GPC5: variants seen among roughly 807,000 people sequenced by gnomAD.
GPC5 encodes glypican 5, also known as glypican-5.
GPC5 carries 47 observed loss-of-function variants against 53.9 expected under a neutral mutation model. That is an observed-to-expected ratio of 0.87 (90% CI 0.69 to 1.11). The LOEUF is 1.11. GPC5 is among the 50% of genes most tolerant of loss of function. The probability of loss-of-function intolerance (pLI) is 0.00; values close to 1 mark genes in which losing one functional copy is unlikely to be tolerated. For missense variants in GPC5, 748 were observed against 713.1 expected (o/e 1.05, Z -0.56); for synonymous variants, 286 against 263.3 (o/e 1.09, Z -0.84).
chr13:92,140,740 G>A (rs1351725998), intron 6 of GPC5, among the ~76,000 whole-genome samples: 2 of 152,170 alleles, frequency 1.3e-5, no homozygotes, highest in Non-Finnish European at 2.9e-5. Context: ...GGGTAGGAGA[G>A]ACTAATGGCC....
intron 7 of GPC5, among the ~76,000 whole-genome samples, chr13:92,514,847 C>G (rs1047926380): frequency 2.6e-5 from 4 of 152,072 alleles, no homozygotes; most frequent in African/African-American, 9.7e-5. Flanking sequence ...TCTTTTGTGA[C>G]AAAGCATGAC....
intron 7 of GPC5, among the ~76,000 whole-genome samples, chr13:92,334,638 G>A (rs1160548398): frequency 6.6e-6 from 1 of 152,106 alleles, no homozygotes; most frequent in Non-Finnish European, 1.5e-5. Context: ...CCTCCTATGA[G>A]CCTGTAAAAT....
intron 7 of GPC5, among the ~76,000 whole-genome samples, chr13:92,254,772 T>G (rs2042715672): frequency 6.6e-6 from 1 of 152,238 alleles, no homozygotes; most frequent in East Asian, 1.9e-4. Flanking sequence ...AAAAAGTCCC[T>G]TATAAAACCA....
At chr13:92,662,259 G>A (rs1210636540) in intron 7 of GPC5, among the ~76,000 whole-genome samples, 1 of 152,030 alleles carries the variant, frequency 6.6e-6, no homozygotes, top group Non-Finnish European at 1.5e-5. Flanking sequence ...TCTCACAAAT[G>A]CCGACATTCA....
chr13:92,108,030 G>T (rs1162502910), intron 6 of GPC5, among the ~76,000 whole-genome samples: 1 of 152,130 alleles, frequency 6.6e-6, no homozygotes, highest in African/African-American at 2.4e-5. Context: ...TAAGAGAGAA[G>T]TCTCCTTTTT....
chr13:92,178,826 A>G (rs543750932), intron 7 of GPC5, among the ~76,000 whole-genome samples: 250 of 152,134 alleles, frequency 1.6e-3, no homozygotes, highest in Non-Finnish European at 2.0e-3. Flanking sequence ...AATACAAAAA[A>G]TTAGCCAGGT....
chr13:92,514,918 G>A (rs528512709), intron 7 of GPC5, among the ~76,000 whole-genome samples: 12 of 152,224 alleles, frequency 7.9e-5, no homozygotes, highest in East Asian at 3.9e-4. Context: ...TTCATGCACC[G>A]TCATTGACTG....
chr13:91,431,677 A>C (rs1239007463), intron 1 of GPC5, among the ~76,000 whole-genome samples: 1 of 152,210 alleles, frequency 6.6e-6, no homozygotes, highest in Admixed American at 6.5e-5. Flanking sequence ...TCAACAAACT[A>C]ATCAGAGGTG....
chr13:92,415,003 A>C (rs1276569166), intron 7 of GPC5, among the ~76,000 whole-genome samples: 1 of 152,144 alleles, frequency 6.6e-6, no homozygotes, highest in African/African-American at 2.4e-5. Flanking sequence ...TGGGGCTAGG[A>C]TGTATCAGAA....
chr13:92,033,972 A>C (rs1402434741), intron 6 of GPC5, among the ~76,000 whole-genome samples: 2 of 152,230 alleles, frequency 1.3e-5, no homozygotes, highest in Non-Finnish European at 2.9e-5. Flanking sequence ...TTTAAACAAC[A>C]TATTTTTCCA....
At chr13:91,616,048 T>C (rs1199821104) in intron 2 of GPC5, among the ~76,000 whole-genome samples, 1 of 152,062 alleles carries the variant, frequency 6.6e-6, no homozygotes, top group Non-Finnish European at 1.5e-5. Context: ...TGACAGATAC[T>C]GGTGAAAACA....
intron 7 of GPC5, among the ~76,000 whole-genome samples, chr13:92,277,263 A>G (rs1044138016): frequency 6.6e-6 from 1 of 152,056 alleles, no homozygotes; most frequent in East Asian, 1.9e-4. Context: ...AGCAGAGAAG[A>G]AGGGAAAGTC....
intron 7 of GPC5, among the ~76,000 whole-genome samples, chr13:92,834,289 T>C (rs1348859552): frequency 1.3e-5 from 2 of 152,172 alleles, no homozygotes; most frequent in African/African-American, 4.8e-5. Flanking sequence ...AAGAAAAAAC[T>C]TTGCATATTT....
chr13:92,606,670 G>T (rs1202969851), intron 7 of GPC5, among the ~76,000 whole-genome samples: 1 of 152,030 alleles, frequency 6.6e-6, no homozygotes, highest in Non-Finnish European at 1.5e-5. Flanking sequence ...TAACTATTAG[G>T]ATCTGGTGTC....
At chr13:92,726,922 G>A (rs983302022) in intron 7 of GPC5, among the ~76,000 whole-genome samples, 2 of 151,426 alleles carry the variant, frequency 1.3e-5, no homozygotes, top group East Asian at 3.9e-4. Context: ...AACTTATTGT[G>A]AGAGCTATAA....
chr13:92,025,458 A>T (rs991240222), intron 6 of GPC5, among the ~76,000 whole-genome samples: 5 of 152,156 alleles, frequency 3.3e-5, no homozygotes, highest in African/African-American at 1.2e-4. Flanking sequence ...TGCCCAGCTG[A>T]TGGAGAAAGT....
chr13:91,564,293 A>G (rs368302983), intron 2 of GPC5, among the ~76,000 whole-genome samples: 2 of 152,168 alleles, frequency 1.3e-5, no homozygotes, highest in East Asian at 1.9e-4. Context: ...TAACTCCTTA[A>G]CTGGTGGATC....
intron 7 of GPC5, among the ~76,000 whole-genome samples, chr13:92,533,398 T>C (rs1004463215): frequency 6.6e-6 from 1 of 152,228 alleles, no homozygotes; most frequent in Non-Finnish European, 1.5e-5. Flanking sequence ...TTCATTAACA[T>C]TACCATCAGA....
intron 5 of GPC5, among the ~76,000 whole-genome samples, chr13:91,797,929 C>A (rs1217455203): frequency 6.6e-6 from 1 of 152,066 alleles, no homozygotes; most frequent in African/African-American, 2.4e-5. Flanking sequence ...TATATTAGGC[C>A]TCAAGGAAAG....
Sources: gnomAD v4.1 joint callset for allele counts (sites outside exome capture counted in the v4.1 genomes callset) on GRCh38, gnomAD v4.1.1 for gene constraint, MANE v1.5 for transcripts, NCBI Gene and HGNC (gene_info 2026-07-23, HGNC 2026-07-21) for gene names.